Variants in CCSER1 observed in about 807,000 individuals in gnomAD.
CCSER1 encodes the protein serine-rich coiled-coil domain-containing protein 1.
In CCSER1, 41 loss-of-function variants were observed where a neutral mutation model predicts 82.0. That is an observed-to-expected ratio of 0.50 (90% CI 0.39 to 0.65). CCSER1 has a LOEUF of 0.65. CCSER1 is among the 30% of genes least tolerant of loss of function. The probability of loss-of-function intolerance (pLI) is 0.00; values close to 1 mark genes in which losing one functional copy is unlikely to be tolerated. For missense variants in CCSER1, 1,119 were observed against 1,064.2 expected (o/e 1.05, Z -0.72); for synonymous variants, 414 against 383.9 (o/e 1.08, Z -0.92).
intron 10 of CCSER1, among the ~76,000 whole-genome samples, chr4:91,412,849 T>A (rs1027052426): frequency 6.6e-6 from 1 of 151,578 alleles, no homozygotes; most frequent in Admixed American, 6.6e-5. Flanking sequence ...ATGAAACAAA[T>A]AAAGCTCCAG....
At chr4:91,364,377 G>T (rs1749464664) in intron 10 of CCSER1, among the ~76,000 whole-genome samples, 2 of 151,862 alleles carry the variant, frequency 1.3e-5, no homozygotes, top group African/African-American at 4.8e-5. Context: ...TAAAAATATT[G>T]GTGTGGTACT....
intron 10 of CCSER1, among the ~76,000 whole-genome samples, chr4:91,485,315 G>A (rs765717100): frequency 6.6e-6 from 1 of 152,118 alleles, no homozygotes; most frequent in African/African-American, 2.4e-5. Flanking sequence ...AAATGTCGGG[G>A]AAAATATTTT....
intron 1 of CCSER1, among the ~76,000 whole-genome samples, chr4:90,140,755 C>T (rs1479438551): frequency 2.1e-5 from 3 of 145,436 alleles, no homozygotes; most frequent in Non-Finnish European, 4.5e-5. Context: ...ACCTCCAACT[C>T]CCTGGTTCAA....
intron 1 of CCSER1, among the ~76,000 whole-genome samples, chr4:90,291,029 ATAAT>A (rs987692293): frequency 7.5e-6 from 1 of 133,350 alleles, no homozygotes; most frequent in African/African-American, 3.9e-5. Flanking sequence ...TCTGATAGGA[ATAAT>A]TATATTCCTT....
At chr4:90,780,275 A>T (rs1753569216) in intron 7 of CCSER1, among the ~76,000 whole-genome samples, 1 of 152,172 alleles carries the variant, frequency 6.6e-6, no homozygotes, top group Non-Finnish European at 1.5e-5. Flanking sequence ...AAGGAGATAG[A>T]CCAGAATCCT....
chr4:91,442,937 C>T (rs1755285793), intron 10 of CCSER1, among the ~76,000 whole-genome samples: 1 of 152,152 alleles, frequency 6.6e-6, no homozygotes, highest in Admixed American at 6.5e-5. Flanking sequence ...CATCTCACAC[C>T]AGTTAGAATG....
chr4:90,233,431 C>A (rs1216993498), intron 1 of CCSER1, among the ~76,000 whole-genome samples: 2 of 151,850 alleles, frequency 1.3e-5, no homozygotes, highest in African/African-American at 4.8e-5. Flanking sequence ...AATGAGAACA[C>A]ATGGACACAG....
intron 7 of CCSER1, among the ~76,000 whole-genome samples, chr4:90,733,625 C>T (rs563736688): frequency 1.3e-5 from 2 of 152,186 alleles, no homozygotes; most frequent in African/African-American, 4.8e-5. Context: ...GAGAGTTTCC[C>T]TAGTGTTTTC....
chr4:91,297,391 G>GTGTGTGTGTGTGTGTGTGTGTGTGTA (rs1560573857), intron 10 of CCSER1, among the ~76,000 whole-genome samples: 4 of 99,458 alleles, frequency 4.0e-5, no homozygotes, highest in East Asian at 7.4e-4. Context: ...GTGTATGTGT[G>GTGTGTGTGTGTGTGTGTGTGTGTGTA]TGTGTGTGTG....
At chr4:91,555,099 G>A (rs1369793688) in intron 10 of CCSER1, among the ~76,000 whole-genome samples, 3 of 151,116 alleles carry the variant, frequency 2.0e-5, no homozygotes, top group Non-Finnish European at 4.4e-5. Context: ...GAAAATATAT[G>A]AGGAAAGCTT....
rs137988930 is a variant in CCSER1 at position 91,456,145 on chromosome 4, A to G, written c.2218-142427A>G. ...GTTCCAGCCTGGTCAGTTCCTGGAG[A>G]GGGTTCTCCTGTGGGTTGCAGATTG... is the stretch of plus-strand genomic sequence containing the variant. On this transcript the variant is annotated intron_variant, in intron 10 of 10. Transcript: ENST00000509176. Among the ~76,000 whole-genome samples the G allele has an allele frequency of 4.5e-3, 691 of 152,026 alleles. 7 individuals are homozygous for G. The highest frequency in any genetic ancestry group is 0.016 in the African/African-American group (672 of 41,476).
Position 90,763,295 on chromosome 4 carries a change from A to G in CCSER1, c.2010+39304A>G, listed in dbSNP as rs115300749. On this transcript the variant is annotated intron_variant, in intron 7 of 10. Transcript: ENST00000509176. ...TGGGTGGAGAGAGGTCAAGCAGTAG[A>G]CTACTAATCTTACACAGCCTGGAAG... Among the ~76,000 whole-genome samples the G allele has an allele frequency of 4.0e-3, 604 of 152,120 alleles. 3 individuals carry two copies. Among genetic ancestry groups the G allele is most frequent in the African/African-American group, 0.014 (568 of 41,538 alleles).
At chr4:90,467,419 C>T (rs1430726312) in intron 4 of CCSER1, among the ~76,000 whole-genome samples, 1 of 151,682 alleles carries the variant, frequency 6.6e-6, no homozygotes, top group Admixed American at 6.6e-5. Flanking sequence ...TGGCTGGTGG[C>T]TCATGCCTGT....
At chr4:90,796,784 T>C (rs72663619) in intron 7 of CCSER1, among the ~76,000 whole-genome samples, 10,005 of 152,252 alleles carry the variant, frequency 0.066, 449 homozygotes, top group Admixed American at 0.12. Flanking sequence ...TTAATGTAAT[T>C]ATATGGTTTT....
intron 1 of CCSER1, among the ~76,000 whole-genome samples, chr4:90,295,350 A>T (rs1317673351): frequency 6.6e-6 from 1 of 152,090 alleles, no homozygotes; most frequent in Non-Finnish European, 1.5e-5. Flanking sequence ...ATTAAGTTTT[A>T]AAAAGTTATA....
At chr4:90,193,691 C>T (rs998122544) in intron 1 of CCSER1, among the ~76,000 whole-genome samples, 4 of 151,618 alleles carry the variant, frequency 2.6e-5, no homozygotes, top group Non-Finnish European at 4.4e-5. Flanking sequence ...CCTAAGCTAG[C>T]GGTCCTTAAA....
At chr4:91,200,728 G>A (rs1735839046) in intron 10 of CCSER1, among the ~76,000 whole-genome samples, 3 of 151,926 alleles carry the variant, frequency 2.0e-5, no homozygotes, top group Non-Finnish European at 2.9e-5. Context: ...CAAGGAATAA[G>A]CATTTAACAG....
intron 10 of CCSER1, among the ~76,000 whole-genome samples, chr4:91,160,693 T>C (rs1731297244): frequency 6.6e-6 from 1 of 152,214 alleles, no homozygotes; most frequent in Admixed American, 6.5e-5. Flanking sequence ...ATAAATGCCT[T>C]CTTTTGAGAA....
intron 9 of CCSER1, among the ~76,000 whole-genome samples, chr4:90,930,545 G>A (rs962134547): frequency 4.6e-5 from 7 of 151,844 alleles, no homozygotes; most frequent in Non-Finnish European, 1.0e-4. Flanking sequence ...CCAGGGAGGC[G>A]TAGCTTGCAG....
Sources: gnomAD v4.1 joint callset for allele counts (sites outside exome capture counted in the v4.1 genomes callset) on GRCh38, gnomAD v4.1.1 for gene constraint, MANE v1.5 for transcripts, NCBI Gene and HGNC (gene_info 2026-07-23, HGNC 2026-07-21) for gene names.